The following MEIS1 variants were observed in gnomAD, a reference collection of about 807,000 sequenced individuals.
MEIS1 encodes Meis homeobox 1.
MEIS1 carries 5 observed loss-of-function variants against 50.8 expected under a neutral mutation model. The ratio of observed to expected loss-of-function variants is 0.10; its 90% confidence interval spans 0.05 to 0.21. The LOEUF (loss-of-function observed/expected upper bound fraction) is 0.21, where lower values mean the gene tolerates loss of function less well. MEIS1 is among the 10% of genes least tolerant of loss of function. The pLI is 1.00. For missense variants in MEIS1, 318 were observed against 517.3 expected, an observed-to-expected ratio of 0.61 and a Z score of 3.74; for synonymous variants, 176 against 179.3, an observed-to-expected ratio of 0.98 and a Z score of 0.15.
intron 6 of MEIS1, among the ~76,000 whole-genome samples, chr2:66,448,899 C>CA (rs1419652001): frequency 1.3e-5 from 2 of 152,112 alleles, no homozygotes; most frequent in Non-Finnish European, 1.5e-5. Flanking sequence ...ATACAGCTCT[C>CA]AGTCATTTTT....
intron 5 of MEIS1, 147 bp downstream of exon 5, chr2:66,441,611 C>A: frequency 1.6e-6 from 1 of 641,968 alleles, no homozygotes; most frequent in Non-Finnish European, 2.6e-6. Context: ...CCAATCTTAG[C>A]GTCCATTTCT....
intron 1 of MEIS1, chr2:66,437,426 G>T: frequency 2.7e-6 from 1 of 368,804 alleles, no homozygotes. Context: ...ACCCTCGGGA[G>T]AATGCTTCTC....
chr2:66,475,989 CCTT>C (rs1201978755), intron 7 of MEIS1, among the ~76,000 whole-genome samples: 5 of 152,282 alleles, frequency 3.3e-5, no homozygotes, highest in East Asian at 3.9e-4. Context: ...TTGTCTGTCT[CCTT>C]CTTCTGACCA....
At chr2:66,525,837 C>T (rs1389545711) in intron 8 of MEIS1, among the ~76,000 whole-genome samples, 2 of 152,226 alleles carry the variant, frequency 1.3e-5, no homozygotes, top group Admixed American at 6.5e-5. Context: ...TATGCAGCGA[C>T]GGAAGTTATC....
intron 7 of MEIS1, among the ~76,000 whole-genome samples, chr2:66,511,741 C>G (rs1673835101): frequency 6.6e-6 from 1 of 152,198 alleles, no homozygotes; most frequent in Admixed American, 6.5e-5. Context: ...TCTCACAAGT[C>G]AATGTCAATG....
intron 5 of MEIS1, among the ~76,000 whole-genome samples, chr2:66,442,308 T>C (rs1406572436): frequency 2.0e-5 from 3 of 151,946 alleles, no homozygotes; most frequent in Admixed American, 6.6e-5. Context: ...ATTTGATATG[T>C]TTTTGTGTGG....
At chr2:66,440,485 G>A (rs1671942781) in intron 3 of MEIS1, 77 bp from the exon 4 acceptor site, 2 of 1,304,206 alleles carry the variant, frequency 1.5e-6, no homozygotes, top group East Asian at 2.4e-5. Context: ...AAGAAACTAG[G>A]AAGGCGACCA....
chr2:66,452,166 T>C (rs1434883020), intron 6 of MEIS1, among the ~76,000 whole-genome samples: 1 of 151,920 alleles, frequency 6.6e-6, no homozygotes, highest in Non-Finnish European at 1.5e-5. Context: ...GATCTGGAGT[T>C]GTTTTATAAT....
chr2:66,512,386 C>T, intron 8 of MEIS1, 92 bp downstream of exon 8: 1 of 1,355,694 alleles, frequency 7.4e-7, no homozygotes, highest in East Asian at 2.8e-5. Flanking sequence ...TCCCTCTGGA[C>T]TTGAAATATT....
intron 8 of MEIS1, among the ~76,000 whole-genome samples, chr2:66,528,717 G>T (rs1020416935): frequency 1.3e-5 from 2 of 152,028 alleles, no homozygotes; most frequent in Non-Finnish European, 2.9e-5. Flanking sequence ...TCTAACATTG[G>T]TCCCTTATAA....
intron 7 of MEIS1, among the ~76,000 whole-genome samples, chr2:66,485,808 G>A (rs1193902271): frequency 6.6e-6 from 1 of 152,152 alleles, no homozygotes; most frequent in Non-Finnish European, 1.5e-5. Context: ...GGTGTGAGGT[G>A]GTATCTCACT....
intron 7 of MEIS1, among the ~76,000 whole-genome samples, chr2:66,493,280 G>C (rs1673317600): frequency 6.6e-6 from 1 of 151,990 alleles, no homozygotes; most frequent in Admixed American, 6.6e-5. Flanking sequence ...CATTTCTCTG[G>C]TACTCTTCCA....
At chr2:66,564,993 G>C (rs1675311343) in intron 9 of MEIS1, among the ~76,000 whole-genome samples, 2 of 152,030 alleles carry the variant, frequency 1.3e-5, no homozygotes, top group Admixed American at 1.3e-4. Flanking sequence ...GTTTATAGAT[G>C]GGGTGGCCTC....
chr2:66,459,514 C>T (rs956048699), intron 6 of MEIS1, among the ~76,000 whole-genome samples: 2 of 152,166 alleles, frequency 1.3e-5, no homozygotes, highest in Non-Finnish European at 2.9e-5. Context: ...AAACTGACAC[C>T]ATGTCTGACC....
At position 66,544,632 on chromosome 2, in the gene MEIS1, T is replaced by A. The variant is rs530650985; in HGVS notation, c.889-3311T>A. On this transcript the variant is annotated intron_variant, in intron 8 of 12. Transcript: ENST00000272369. ...ATTTGTCCAGGCTCATTCATTTGTA[T>A]TAAAAAAATATATATATATCCCGAA... 9.9e-4 allele frequency among the ~76,000 whole-genome samples: 150 copies of A among 152,266 alleles called. 1 individual carries two copies. The highest frequency in any genetic ancestry group is 3.1e-3 in the African/African-American group (127 of 41,548).
chr2:66,549,146 T>C (rs182621179), intron 9 of MEIS1, among the ~76,000 whole-genome samples: 2 of 152,210 alleles, frequency 1.3e-5, no homozygotes, highest in Non-Finnish European at 2.9e-5. Context: ...TAATCCCATG[T>C]ATTCTTCAAT....
intron 7 of MEIS1, among the ~76,000 whole-genome samples, chr2:66,482,732 G>A (rs1673047456): frequency 6.6e-6 from 1 of 152,200 alleles, no homozygotes; most frequent in Non-Finnish European, 1.5e-5. Context: ...GTAGTCCAGT[G>A]TTTGTTTCTC....
chr2:66,444,243 T>TA, intron 6 of MEIS1, among the ~76,000 whole-genome samples: 1 of 152,146 alleles, frequency 6.6e-6, no homozygotes, highest in Admixed American at 6.5e-5. Flanking sequence ...GAGTCCAGAT[T>TA]TGGGGGAAGA....
At chr2:66,450,118 C>T (rs1447959963) in intron 6 of MEIS1, among the ~76,000 whole-genome samples, 1 of 152,010 alleles carries the variant, frequency 6.6e-6, no homozygotes, top group Non-Finnish European at 1.5e-5. Context: ...ATGGTTTTTC[C>T]ATGACATATG....
Sources: gnomAD v4.1 joint callset for allele counts (sites outside exome capture counted in the v4.1 genomes callset) on GRCh38, gnomAD v4.1.1 for gene constraint, MANE v1.5 for transcripts, NCBI Gene and HGNC (gene_info 2026-07-23, HGNC 2026-07-21) for gene names.